CERS1: variants seen among roughly 807,000 people sequenced by gnomAD.
CERS1 encodes the protein Embryonic growth/differentiation factor 1.
Under a neutral mutation model 35.7 loss-of-function variants are expected in CERS1, and 16 were observed. That is an observed-to-expected ratio of 0.45 (90% CI 0.30 to 0.68). CERS1 has a LOEUF of 0.68. CERS1 is among the 30% of genes least tolerant of loss of function. CERS1 has a pLI of 0.08. For synonymous variants in CERS1, 243 were observed against 201.6 expected (o/e 1.21, Z -1.74); for missense variants, 454 against 453.9 (o/e 1.00, Z 0.00).
At chr19:18,896,883 G>T (rs1431756631), upstream of CERS1, among the ~76,000 whole-genome samples, 1 of 148,164 alleles carries the variant, frequency 6.7e-6, no homozygotes, top group Non-Finnish European at 1.5e-5. The surrounding 1 kb of genome is among the most constrained non-coding windows in gnomAD (Gnocchi z 5.9). Context: ...GAGATTAGGG[G>T]GTTCTCTGAG....
Position 18,880,368 on chromosome 19 carries a change from T to C in CERS1, c.658A>G (p.Lys220Glu). ...CGGGACTTGAAGTAAATGTTGAGCT[T>C]GGTGAACTCAAGCTGCACGTCACTG... ...DISDVQLEFT[K>E]LNIYFKSRGG... Residue 220 changes from lysine to glutamate, a missense_variant, in exon 4 of 8, where the codon AAG (lysine) becomes GAG (glutamate). Physicochemically the swap from Lys to Glu is moderately conservative, Grantham distance 56. Coordinates refer to ENST00000623882, the MANE Select transcript of CERS1 (RefSeq NM_021267.5). 6.4e-7 allele frequency: 1 copy of C among 1,574,492 alleles called. No individual in the cohort carries two copies. The highest frequency in any genetic ancestry group is 1.2e-5 in the South Asian group (1 of 85,660).
At chr19:18,877,220 T>C (rs900975257) in intron 6 of CERS1, among the ~76,000 whole-genome samples, 1 of 152,242 alleles carries the variant, frequency 6.6e-6, no homozygotes, top group African/African-American at 2.4e-5. Flanking sequence ...ATGCCAGCTC[T>C]TACCCTGTGT....
At chr19:18,886,231 C>T (rs2056355502) in intron 2 of CERS1, among the ~76,000 whole-genome samples, 1 of 151,776 alleles carries the variant, frequency 6.6e-6, no homozygotes, top group East Asian at 1.9e-4. Context: ...CATGGTGAGA[C>T]GCTGTCTCTG....
chr19:18,892,194 G>A (rs1162783685), intron 2 of CERS1, among the ~76,000 whole-genome samples: 1 of 151,820 alleles, frequency 6.6e-6, no homozygotes, highest in Non-Finnish European at 1.5e-5. Context: ...CATCGCACCA[G>A]GCTTCATCAT....
chr19:18,879,443 G>C lies in CERS1; in HGVS notation c.753-55C>G. ...GTGGAGGGGGACGGTGCCCTACCCAGTCCCTGTCCTATCCCGTCCTAGACC... is the reference window on the plus strand; with the variant it reads ...GTGGAGGGGGACGGTGCCCTACCCACTCCCTGTCCTATCCCGTCCTAGACC... On this transcript the variant is annotated intron_variant, in intron 4 of 7. Coordinates refer to ENST00000623882, the MANE Select transcript of CERS1 (RefSeq NM_021267.5). 4 of 1,540,208 alleles carry C rather than the reference G, an allele frequency of 2.6e-6. No individual in the cohort carries two copies. The South Asian group carries it at 4.8e-5, about 19-fold the overall frequency.
rs745942101 is a variant in CERS1 at position 18,879,319 on chromosome 19, C to T, written c.822G>A (p.Thr274=). The T allele has an allele frequency of 1.2e-5, 19 of 1,610,188 alleles. No homozygotes were observed. Among genetic ancestry groups the T allele is most frequent in the Admixed American group, 5.1e-5 (3 of 59,324 alleles). ...AGAAGTAGAAGGGGATGTCAGGCACCGTGCGCAGACTGCAGTGACTGGTGG... is the reference window on the plus strand; with the variant it reads ...AGAAGTAGAAGGGGATGTCAGGCACTGTGCGCAGACTGCAGTGACTGGTGG... The part of the protein sequence containing the change: ...LYATSHCSLR[T]VPDIPFYFFF... The change falls in exon 5 of 8, where the codon ACG becomes ACA. Residue 274 remains threonine, a synonymous_variant. Coordinates refer to ENST00000623882, the MANE Select transcript of CERS1 (RefSeq NM_021267.5).
At position 18,895,975 on chromosome 19, in the gene CERS1, G is replaced by A. The variant is rs1370175326; in HGVS notation, c.98C>T (p.Ala33Val). 2.8e-6 allele frequency: 3 copies of A among 1,053,734 alleles called. No individual in the cohort carries two copies. Among genetic ancestry groups the A allele is most frequent in the Non-Finnish European group, 3.4e-6 (3 of 874,374 alleles). 65.3% of individuals were successfully genotyped at this position (1,053,734 alleles called of 1,614,324 possible). A position where few individuals can be genotyped will look rare whatever the true frequency, so the allele number is the denominator to read the frequency against. Residue 33 changes from alanine (A) to valine (V), a missense_variant, in exon 1 of 8, where the codon GCG (alanine) becomes GTG (valine). Transcript: ENST00000623882. This position sits in a 1 kb window ranked among gnomAD's most constrained non-coding sequence, Gnocchi z 6.4. The stretch of plus-strand genomic sequence containing the variant: ...GCCGCAGTCCGTGCAGCCCCGCGCC[G>A]CCGCCAGCGCGCTGCCCCAGCCGCG... ...VQRGWGSALA[A>V]ARGCTDCGWG...
chr19:18,877,586 T>C (rs1285118535), intron 6 of CERS1, among the ~76,000 whole-genome samples: 1 of 151,916 alleles, frequency 6.6e-6, no homozygotes, highest in African/African-American at 2.4e-5. Flanking sequence ...ACCCCAGCTC[T>C]ACAAAAAATA....
At chr19:18,869,716 A>C (rs1227945754) in intron 7 of CERS1, among the ~76,000 whole-genome samples, 1 of 88,042 alleles carries the variant, frequency 1.1e-5, no homozygotes, top group Non-Finnish European at 2.1e-5. Context: ...GGAAGGCATT[A>C]GTGTCAAGAG....
At chr19:18,893,285 G>T in intron 2 of CERS1, 131 bp downstream of exon 2, 1 of 986,892 alleles carries the variant, frequency 1.0e-6, no homozygotes, top group Non-Finnish European at 1.5e-6. Context: ...CGTGCTCATA[G>T]CTCCCCTTGG....
intron 2 of CERS1, among the ~76,000 whole-genome samples, chr19:18,889,781 C>T (rs2056448428): frequency 6.6e-6 from 1 of 152,082 alleles, no homozygotes; most frequent in South Asian, 2.1e-4. Flanking sequence ...CACTCAATGC[C>T]ACCCCTGCCT....
Position 18,868,614 on chromosome 19 carries a change from C to G in CERS1, c.*1371G>C. 1 of 1,564,268 alleles carries G rather than the reference C, an allele frequency of 6.4e-7. No homozygotes were observed. The highest frequency in any genetic ancestry group is 8.7e-7 in the Non-Finnish European group (1 of 1,154,530). ...GCCCCGGGTTAGCGGCAGCCGCACTCGTCCACCACCATGTCCTCATACTGC... is the reference window on the plus strand; with the variant it reads ...GCCCCGGGTTAGCGGCAGCCGCACTGGTCCACCACCATGTCCTCATACTGC... On this transcript the variant is annotated 3_prime_UTR_variant, in exon 8 of 8. Coordinates refer to ENST00000623882, the MANE Select transcript of CERS1 (RefSeq NM_021267.5).
chr19:18,868,795 C>G lies in CERS1; in HGVS notation c.*1190G>C. The G allele has an allele frequency of 2.1e-6, 3 of 1,457,732 alleles. No individual in the cohort carries two copies. The highest frequency in any genetic ancestry group is 1.8e-6 in the Non-Finnish European group (2 of 1,094,880). The allele number at this position is 1,457,732 out of a possible 1,614,324, so 90.3% of individuals were successfully genotyped here. ...TGAGCGCCGGCGGCCCCCCGGACCCCGACAGCGCGACGGGCAGCGCGCACT... is the reference window on the plus strand; with the variant it reads ...TGAGCGCCGGCGGCCCCCCGGACCCGGACAGCGCGACGGGCAGCGCGCACT... On this transcript the variant is annotated 3_prime_UTR_variant, in exon 8 of 8. Transcript: ENST00000623882.
intron 6 of CERS1, chr19:18,877,863 C>T: frequency 1.6e-6 from 1 of 618,818 alleles, no homozygotes. Context: ...CCCATGTGAC[C>T]CTCTGCCCCA....
chr19:18,879,163 C>T lies in CERS1; in HGVS notation c.900+78G>A, dbSNP rs113392285. 1,247 of 1,599,540 alleles carry T rather than the reference C, an allele frequency of 7.8e-4. 10 individuals carry two copies. In the African/African-American group the frequency reaches 0.014, roughly 18 times the overall value. On this transcript the variant is annotated intron_variant, in intron 5 of 7. Coordinates refer to ENST00000623882, the MANE Select transcript of CERS1 (RefSeq NM_021267.5). Reference sequence around the variant, plus strand: ...GTCTGCCACCTAACGTGCCCCTCCCCGGGACTGCCTGAGGAGGGGACAGGG... The same window carrying T: ...GTCTGCCACCTAACGTGCCCCTCCCTGGGACTGCCTGAGGAGGGGACAGGG...
intron 2 of CERS1, among the ~76,000 whole-genome samples, chr19:18,890,689 G>A (rs1226886527): frequency 1.3e-5 from 2 of 151,014 alleles, no homozygotes; most frequent in Non-Finnish European, 2.9e-5. Flanking sequence ...GCTGAGGTGG[G>A]ATGATTGCTT....
At chr19:18,881,513 C>CCCCA (rs2056208377) in intron 3 of CERS1, among the ~76,000 whole-genome samples, 1 of 152,068 alleles carries the variant, frequency 6.6e-6, no homozygotes, top group Non-Finnish European at 1.5e-5. Flanking sequence ...AGCCACCGTG[C>CCCCA]CCGGCCCCAT....
rs2056595696 is a variant in CERS1, at chr19:18,895,220, C to A, written c.249+604G>T. Among the ~76,000 whole-genome samples, 1 of 152,246 alleles carries A rather than the reference C, an allele frequency of 6.6e-6. No homozygotes were observed. Among genetic ancestry groups the A allele is most frequent in the Non-Finnish European group, 1.5e-5 (1 of 68,048 alleles). On this transcript the variant is annotated intron_variant, in intron 1 of 7. Transcript: ENST00000623882. This position sits in a 1 kb window ranked among gnomAD's most constrained non-coding sequence, Gnocchi z 6.4. ...GCGCTGACCCCAGATAGGCACAAGG[C>A]AGCGACCGGGCAGCTCCTGCCTCTT... is the stretch of plus-strand genomic sequence containing the variant.
In CERS1 at chr19:18,868,936, G is replaced by T. The variant is rs886042202; in HGVS notation, c.*1049C>A. On this transcript the variant is annotated 3_prime_UTR_variant, in exon 8 of 8. Transcript: ENST00000623882. The stretch of plus-strand genomic sequence containing the variant: ...CGCGACAAGCGCCCCCGGGGCCGCC[G>T]CCCAACACGGGTTCGGCGTCGCGCC... 4 of 1,285,384 alleles carry T rather than the reference G, an allele frequency of 3.1e-6. No homozygotes were observed. Among genetic ancestry groups the T allele is most frequent in the Non-Finnish European group, 4.0e-6 (4 of 1,009,900 alleles). 79.6% of individuals were successfully genotyped at this position (1,285,384 alleles called of 1,614,324 possible). A position where few individuals can be genotyped will look rare whatever the true frequency, so the allele number is the denominator to read the frequency against.
Sources: gnomAD v4.1 joint callset for allele counts (sites outside exome capture counted in the v4.1 genomes callset) on GRCh38, gnomAD v4.1.1 for gene constraint, Gnocchi (gnomAD v3.1) non-coding constraint, MANE v1.5 for transcripts, NCBI Gene and HGNC (gene_info 2026-07-23, HGNC 2026-07-21) for gene names.